Variants in DGKB observed in about 807,000 individuals in gnomAD.
DGKB encodes the protein 90 kDa diacylglycerol kinase.
DGKB carries 67 observed loss-of-function variants against 114.3 expected under a neutral mutation model. The ratio of observed to expected loss-of-function variants is 0.59; its 90% confidence interval spans 0.48 to 0.72. The LOEUF is 0.72. Ranked by LOEUF, DGKB falls within the 30% of genes least tolerant of loss-of-function variation. The pLI is 0.00. For missense variants in DGKB, 907 were observed against 975.2 expected (o/e 0.93, Z 0.93); for synonymous variants, 398 against 323.1 (o/e 1.23, Z -2.49).
intron 1 of DGKB, among the ~76,000 whole-genome samples, chr7:14,865,746 A>G (rs906606104): frequency 6.6e-6 from 1 of 152,210 alleles, no homozygotes; most frequent in South Asian, 2.1e-4. Context: ...TTTGGGAGTC[A>G]TCATGTGCAT....
intron 1 of DGKB, among the ~76,000 whole-genome samples, chr7:14,884,617 C>A (rs1004794833): frequency 4.6e-5 from 7 of 151,946 alleles, no homozygotes; most frequent in Non-Finnish European, 5.9e-5. Flanking sequence ...CAAATCCTGA[C>A]AAAAACATCC....
chr7:14,252,811 A>T (rs544705799), intron 23 of DGKB, among the ~76,000 whole-genome samples: 1 of 152,282 alleles, frequency 6.6e-6, no homozygotes, highest in South Asian at 2.1e-4. Flanking sequence ...CAGAAAGTGG[A>T]GTACTCGTTT....
chr7:14,473,032 A>C (rs959650680), intron 21 of DGKB, among the ~76,000 whole-genome samples: 2 of 152,160 alleles, frequency 1.3e-5, no homozygotes, highest in Admixed American at 6.5e-5. Flanking sequence ...CTGAGGAGAA[A>C]TTCAAGCAGG....
intron 20 of DGKB, among the ~76,000 whole-genome samples, chr7:14,550,656 A>G (rs912737746): frequency 2.6e-5 from 4 of 152,304 alleles, no homozygotes; most frequent in South Asian, 4.1e-4. Context: ...TTTGGTTGCT[A>G]TGATCATCCA....
At chr7:14,633,627 A>C (rs941473102) in intron 13 of DGKB, among the ~76,000 whole-genome samples, 1 of 151,848 alleles carries the variant, frequency 6.6e-6, no homozygotes, top group Non-Finnish European at 1.5e-5. Flanking sequence ...TAAATATCAA[A>C]GATGAGCAGA....
intron 2 of DGKB, among the ~76,000 whole-genome samples, chr7:14,772,339 C>T (rs1180202569): frequency 6.6e-6 from 1 of 152,048 alleles, no homozygotes; most frequent in Non-Finnish European, 1.5e-5. Flanking sequence ...TCATGCCTAA[C>T]AATAAATAAA....
intron 14 of DGKB, among the ~76,000 whole-genome samples, chr7:14,624,981 G>A (rs1251222054): frequency 6.6e-6 from 1 of 152,018 alleles, no homozygotes; most frequent in South Asian, 2.1e-4. Context: ...CTGAGAGACA[G>A]AGTGAGACTC....
intron 1 of DGKB, among the ~76,000 whole-genome samples, chr7:14,919,896 T>C (rs1784432572): frequency 6.6e-6 from 1 of 152,148 alleles, no homozygotes; most frequent in African/African-American, 2.4e-5. Flanking sequence ...TCCTGCACCA[T>C]GATTGTAAGT....
At chr7:14,352,307 A>G (rs1813609631) in intron 21 of DGKB, among the ~76,000 whole-genome samples, 1 of 152,218 alleles carries the variant, frequency 6.6e-6, no homozygotes, top group Non-Finnish European at 1.5e-5. Context: ...TTTAGTTTTT[A>G]ATCATTTCAA....
At chr7:14,957,786 C>G (rs547360649) in intron 1 of DGKB, among the ~76,000 whole-genome samples, 1 of 151,802 alleles carries the variant, frequency 6.6e-6, no homozygotes, top group African/African-American at 2.4e-5. Context: ...CAAAGTATTT[C>G]ATATAGTGTA....
At chr7:14,473,512 C>T (rs1174452201) in intron 21 of DGKB, among the ~76,000 whole-genome samples, 1 of 152,150 alleles carries the variant, frequency 6.6e-6, no homozygotes, top group African/African-American at 2.4e-5. Context: ...GGGTCAGAAC[C>T]CCCACAATGC....
chr7:14,447,214 A>G (rs1830843344), intron 21 of DGKB, among the ~76,000 whole-genome samples: 1 of 150,456 alleles, frequency 6.6e-6, no homozygotes, highest in South Asian at 2.1e-4. Context: ...TGTTTTTGCC[A>G]CATGAAAGAA....
intron 21 of DGKB, among the ~76,000 whole-genome samples, chr7:14,396,184 C>A (rs533507322): frequency 3.0e-4 from 45 of 152,040 alleles, no homozygotes; most frequent in Middle Eastern, 3.4e-3. Context: ...TGAATAGATG[C>A]AAAGTCTGTT....
At chr7:14,494,934 A>G (rs1584378764) in intron 20 of DGKB, among the ~76,000 whole-genome samples, 1 of 151,950 alleles carries the variant, frequency 6.6e-6, no homozygotes, top group African/African-American at 2.4e-5. Context: ...ACAGTAAACT[A>G]TCTTCACAAG....
rs112811916 is a variant in DGKB at position 14,653,926 on chromosome 7, G to A, written c.1134+19003C>T. On this transcript the variant is annotated intron_variant, in intron 13 of 25. Transcript: ENST00000402815. Reference sequence around the variant, plus strand: ...ATTTATGACAAACCCACAACTAACAGTACACTGAACAGAGAAAAGCTTAAA... The same window carrying A: ...ATTTATGACAAACCCACAACTAACAATACACTGAACAGAGAAAAGCTTAAA... Among the ~76,000 whole-genome samples the A allele has an allele frequency of 7.1e-3, 1,078 of 152,034 alleles. 11 individuals are homozygous for A. Among genetic ancestry groups the A allele is most frequent in the African/African-American group, 0.024 (1,016 of 41,496 alleles).
intron 12 of DGKB, among the ~76,000 whole-genome samples, chr7:14,674,597 G>A (rs1344778961): frequency 2.6e-5 from 4 of 152,004 alleles, no homozygotes; most frequent in Non-Finnish European, 5.9e-5. Flanking sequence ...GAACTTAATT[G>A]GAAATACGGT....
At chr7:14,598,097 C>T (rs1802904931) in intron 17 of DGKB, among the ~76,000 whole-genome samples, 2 of 152,110 alleles carry the variant, frequency 1.3e-5, no homozygotes, top group Non-Finnish European at 2.9e-5. Flanking sequence ...TTTATGATAG[C>T]ATTATCACTA....
At position 14,231,087 on chromosome 7, in the gene DGKB, C is replaced by CTTTA. The variant is rs1405659810; in HGVS notation, c.2123-52937_2123-52936insTAAA. On this transcript the variant is annotated intron_variant, in intron 23 of 25. Coordinates refer to ENST00000402815, the MANE Select transcript of DGKB (RefSeq NM_001350709.2). ...TAAAAATTCTTTCTTCTTTCCCTTT[C>CTTTA]TTTCTTTCTTTCTTTCTTTCTTTCT... is the stretch of plus-strand genomic sequence containing the variant. Among the ~76,000 whole-genome samples, 4 of 35,208 alleles carry CTTTA rather than the reference C, an allele frequency of 1.1e-4. No individual in the cohort carries two copies. The East Asian group carries it at 4.3e-3, about 38-fold the overall frequency. 23.1% of individuals were successfully genotyped at this position (35,208 alleles called of 152,430 possible).
rs536249309 is a variant in DGKB, at chr7:14,554,557, C to T, written c.1770+19655G>A. 1.3e-4 allele frequency among the ~76,000 whole-genome samples: 20 copies of T among 152,100 alleles called. 1 individual carries two copies. In the South Asian group the frequency reaches 2.3e-3, roughly 17 times the overall value. ...AGATGGATGGATCAAAGGGTATGCA[C>T]ATTTTTAAATTTTAATAGATACTAT... On this transcript the variant is annotated intron_variant, in intron 20 of 25. Transcript: ENST00000402815.
Sources: allele counts gnomAD v4.1 joint callset (sites outside exome capture counted in the v4.1 genomes callset), GRCh38; gene constraint gnomAD v4.1.1; transcripts MANE v1.5; gene names NCBI Gene and HGNC (gene_info 2026-07-23, HGNC 2026-07-21).